The following WDR7 variants were observed in gnomAD, a reference collection of about 807,000 sequenced individuals.
WDR7 encodes the protein WD repeat-containing protein 7.
In WDR7, 46 loss-of-function variants were observed where a neutral mutation model predicts 169.4. The ratio of observed to expected loss-of-function variants is 0.27; its 90% CI spans 0.21 to 0.35. The LOEUF is 0.35. Ranked by LOEUF, WDR7 falls within the 10% of genes least tolerant of loss-of-function variation. WDR7 has a pLI of 1.00. For synonymous variants in WDR7, 612 were observed against 666.8 expected (o/e 0.92, Z 1.27); for missense variants, 1,534 against 1,859.3 (o/e 0.83, Z 3.22).
intron 21 of WDR7, among the ~76,000 whole-genome samples, chr18:56,915,315 A>G (rs2046610297): frequency 6.6e-6 from 1 of 152,220 alleles, no homozygotes; most frequent in Non-Finnish European, 1.5e-5. Flanking sequence ...GATGGACATT[A>G]GCAAGTGGGA....
intron 22 of WDR7, among the ~76,000 whole-genome samples, chr18:56,925,985 G>A (rs984053418): frequency 6.6e-6 from 1 of 152,202 alleles, no homozygotes; most frequent in African/African-American, 2.4e-5. Context: ...TTAGAATAGT[G>A]AGCATATATT....
chr18:56,969,587 C>T (rs2047455443), intron 26 of WDR7, among the ~76,000 whole-genome samples: 1 of 152,174 alleles, frequency 6.6e-6, no homozygotes, highest in South Asian at 2.1e-4. Context: ...AATACAGTTA[C>T]TCTATACTAA....
At chr18:56,764,421 C>T (rs1049670278) in intron 16 of WDR7, among the ~76,000 whole-genome samples, 8 of 151,982 alleles carry the variant, frequency 5.3e-5, no homozygotes, top group Admixed American at 3.3e-4. Context: ...TATATATGGG[C>T]CAATAACATT....
intron 22 of WDR7, among the ~76,000 whole-genome samples, chr18:56,935,042 G>A (rs1337029724): frequency 6.6e-6 from 1 of 152,044 alleles, no homozygotes; most frequent in Non-Finnish European, 1.5e-5. Flanking sequence ...GGTGGGGAGT[G>A]AATATAGCAT....
At chr18:56,739,804 C>A (rs2043587200) in intron 14 of WDR7, among the ~76,000 whole-genome samples, 1 of 151,374 alleles carries the variant, frequency 6.6e-6, no homozygotes, top group Non-Finnish European at 1.5e-5. Context: ...CCTTTGGATC[C>A]CCCCATTGCT....
At chr18:56,735,272 T>C (rs1025986085) in intron 14 of WDR7, among the ~76,000 whole-genome samples, 1 of 152,106 alleles carries the variant, frequency 6.6e-6, no homozygotes, top group African/African-American at 2.4e-5. Context: ...TTGAAGAGTT[T>C]GATGTTCAAG....
intron 26 of WDR7, chr18:57,010,134 G>A (rs2048117188): frequency 1.0e-6 from 1 of 985,290 alleles, no homozygotes; most frequent in Non-Finnish European, 1.2e-6. Flanking sequence ...AGGAGGGGAG[G>A]GATTTATTTT....
chr18:56,914,947 T>C (rs2046605172), intron 21 of WDR7, among the ~76,000 whole-genome samples: 1 of 152,164 alleles, frequency 6.6e-6, no homozygotes, highest in African/African-American at 2.4e-5. Context: ...TCAAAGAGAA[T>C]TTGGATTTTA....
At chr18:56,787,678 G>T (rs1317899172) in intron 19 of WDR7, among the ~76,000 whole-genome samples, 1 of 152,098 alleles carries the variant, frequency 6.6e-6, no homozygotes, top group Non-Finnish European at 1.5e-5. Context: ...AATGTTTTGG[G>T]TTTGACTTTC....
intron 22 of WDR7, among the ~76,000 whole-genome samples, chr18:56,924,693 G>T (rs2046778661): frequency 1.3e-5 from 2 of 152,142 alleles, no homozygotes; most frequent in African/African-American, 4.8e-5. Flanking sequence ...TGGGGCAGGG[G>T]GTCCTATTGG....
intron 20 of WDR7, among the ~76,000 whole-genome samples, chr18:56,852,434 C>T (rs1169663321): frequency 1.3e-5 from 2 of 152,126 alleles, no homozygotes; most frequent in Non-Finnish European, 2.9e-5. Context: ...TTTTTGTCCT[C>T]TGTCTCGTAT....
intron 13 of WDR7, among the ~76,000 whole-genome samples, chr18:56,723,292 T>C (rs1303653159): frequency 9.2e-5 from 14 of 152,106 alleles, no homozygotes; most frequent in Non-Finnish European, 1.5e-5. Context: ...GCATATTTAC[T>C]TATGTAGTCA....
intron 14 of WDR7, among the ~76,000 whole-genome samples, chr18:56,747,142 A>C (rs1413184001): frequency 6.6e-6 from 1 of 152,148 alleles, no homozygotes; most frequent in Non-Finnish European, 1.5e-5. Flanking sequence ...TCAAATCTCT[A>C]CAGAATGAAT....
intron 13 of WDR7, among the ~76,000 whole-genome samples, chr18:56,720,689 T>A (rs138055941): frequency 1.3e-5 from 2 of 152,214 alleles, no homozygotes; most frequent in Admixed American, 6.5e-5. Context: ...TAGACAAAGT[T>A]ACTGTTCTAG....
At chr18:57,013,436 T>C (rs1406267694) in intron 26 of WDR7, among the ~76,000 whole-genome samples, 2 of 150,082 alleles carry the variant, frequency 1.3e-5, no homozygotes, top group African/African-American at 2.4e-5. Flanking sequence ...ACAACTGTTT[T>C]ATAGTTGACC....
intron 20 of WDR7, among the ~76,000 whole-genome samples, chr18:56,823,018 G>A (rs1232184455): frequency 6.6e-6 from 1 of 152,144 alleles, no homozygotes; most frequent in Non-Finnish European, 1.5e-5. Flanking sequence ...AGGACAAGTA[G>A]AATGTTTCTA....
At chr18:56,768,448 T>C (rs959773617) in intron 16 of WDR7, among the ~76,000 whole-genome samples, 1 of 152,186 alleles carries the variant, frequency 6.6e-6, no homozygotes, top group Non-Finnish European at 1.5e-5. Flanking sequence ...GTGTTAATTG[T>C]TTTCTCAAAA....
intron 25 of WDR7, among the ~76,000 whole-genome samples, chr18:56,960,571 A>T (rs1369923001): frequency 6.6e-6 from 1 of 152,166 alleles, no homozygotes; most frequent in Non-Finnish European, 1.5e-5. Flanking sequence ...ATAATAAGAC[A>T]TACATTATTC....
intron 20 of WDR7, among the ~76,000 whole-genome samples, chr18:56,819,423 C>T (rs10503010): frequency 5.3e-5 from 8 of 151,984 alleles, no homozygotes; most frequent in African/African-American, 1.7e-4. Flanking sequence ...ATCTATTGAT[C>T]GGCTCTACAG....
Sources: allele counts gnomAD v4.1 joint callset (sites outside exome capture counted in the v4.1 genomes callset), GRCh38; gene constraint gnomAD v4.1.1; transcripts MANE v1.5; gene names NCBI Gene and HGNC (gene_info 2026-07-23, HGNC 2026-07-21).